RALYL: variants seen among roughly 807,000 people sequenced by gnomAD.
RALYL encodes RNA-binding Raly-like protein.
In RALYL, 29 loss-of-function variants were observed where a neutral mutation model predicts 35.1. That is an observed-to-expected ratio of 0.83 (90% confidence interval 0.61 to 1.13). RALYL has a LOEUF of 1.13. Among genes scored for constraint, RALYL ranks in the 50% most tolerant of loss-of-function variants. The pLI is 0.00. For synonymous variants in RALYL, 120 were observed against 127.6 expected (o/e 0.94, Z 0.40); for missense variants, 359 against 360.4 (o/e 1.00, Z 0.03).
intron 2 of RALYL, among the ~76,000 whole-genome samples, chr8:84,645,118 A>G (rs1454327271): frequency 6.6e-6 from 1 of 152,008 alleles, no homozygotes; most frequent in Non-Finnish European, 1.5e-5. Context: ...TTTTATTATT[A>G]TTATTAAATG....
chr8:84,318,542 TG>T (rs1586237773), intron 1 of RALYL, among the ~76,000 whole-genome samples: 1 of 152,226 alleles, frequency 6.6e-6, no homozygotes, highest in Non-Finnish European at 1.5e-5. Flanking sequence ...TATCGTGTGA[TG>T]TTTTTTGTAG....
intron 2 of RALYL, among the ~76,000 whole-genome samples, chr8:84,590,584 G>A (rs932119463): frequency 1.1e-4 from 16 of 152,178 alleles, no homozygotes; most frequent in Admixed American, 9.8e-4. Flanking sequence ...TCATGTGGAA[G>A]GAGGATTAGA....
intron 8 of RALYL, among the ~76,000 whole-genome samples, chr8:84,890,203 A>G (rs79879147): frequency 0.05 from 7,575 of 152,190 alleles, 612 homozygotes; most frequent in African/African-American, 0.17. Flanking sequence ...AAGATCCCCA[A>G]TGCTGAAAGG....
chr8:84,371,135 T>A (rs1295189865), intron 1 of RALYL, among the ~76,000 whole-genome samples: 1 of 151,952 alleles, frequency 6.6e-6, no homozygotes, highest in Non-Finnish European at 1.5e-5. Flanking sequence ...ACAACCCCTG[T>A]AGAAGCAGAT....
Position 84,841,213 on chromosome 8 carries a change from C to A in RALYL, c.366-8767C>A, listed in dbSNP as rs1440206832. On this transcript the variant is annotated intron_variant, in intron 4 of 8. Coordinates refer to ENST00000521268, the MANE Select transcript of RALYL (RefSeq NM_173848.7). ...TCAAGACCCATCAGTGTGCTGTATT[C>A]AGGAAACCCATCTCACATGCAGAGG... 6.6e-5 allele frequency among the ~76,000 whole-genome samples: 10 copies of A among 152,258 alleles called. No homozygotes were observed. The East Asian group carries it at 1.5e-3, about 23-fold the overall frequency.
chr8:84,355,444 T>C (rs1851645237), intron 1 of RALYL, among the ~76,000 whole-genome samples: 1 of 150,502 alleles, frequency 6.6e-6, no homozygotes, highest in Non-Finnish European at 1.5e-5. Context: ...AGTTTGTATG[T>C]AGTTTGTATG....
intron 2 of RALYL, among the ~76,000 whole-genome samples, chr8:84,531,397 T>C (rs1307974888): frequency 1.3e-5 from 2 of 152,106 alleles, no homozygotes; most frequent in Non-Finnish European, 2.9e-5. Flanking sequence ...CACTATCAGA[T>C]AGGAATATAG....
chr8:84,372,886 G>GATTTTTTT (rs1856056848), intron 1 of RALYL, among the ~76,000 whole-genome samples: 1 of 39,064 alleles, frequency 2.6e-5, no homozygotes, highest in African/African-American at 1.1e-4. Context: ...GCCAGCATCT[G>GATTTTTTT]TTTTTTTTTT....
At chr8:84,859,153 T>C (rs1322553316) in intron 5 of RALYL, among the ~76,000 whole-genome samples, 1 of 152,198 alleles carries the variant, frequency 6.6e-6, no homozygotes, top group African/African-American at 2.4e-5. Flanking sequence ...AAATACTCTC[T>C]ACAGGTTTCC....
At chr8:84,895,083 T>C (rs1388906981) in intron 8 of RALYL, among the ~76,000 whole-genome samples, 2 of 152,200 alleles carry the variant, frequency 1.3e-5, no homozygotes, top group Non-Finnish European at 2.9e-5. Context: ...AGTAGGCATT[T>C]TGTGCTACTC....
intron 2 of RALYL, among the ~76,000 whole-genome samples, chr8:84,583,492 CTTAAT>C (rs1392285584): frequency 1.3e-5 from 2 of 152,064 alleles, no homozygotes; most frequent in African/African-American, 2.4e-5. Flanking sequence ...ATACATTAAA[CTTAAT>C]TTAATAAATA....
At chr8:84,282,078 C>T (rs1328053063) in intron 1 of RALYL, among the ~76,000 whole-genome samples, 2 of 152,044 alleles carry the variant, frequency 1.3e-5, no homozygotes, top group Non-Finnish European at 2.9e-5. Context: ...CTTGCCCCTC[C>T]TCTGTATTTG....
At chr8:84,525,787 G>A (rs886810814) in intron 1 of RALYL, among the ~76,000 whole-genome samples, 2 of 151,736 alleles carry the variant, frequency 1.3e-5, no homozygotes, top group African/African-American at 2.4e-5. Context: ...AGATATTACA[G>A]TTTTTATCTT....
chr8:84,425,803 G>GTGTGTGTA lies in RALYL; in HGVS notation c.-23-103489_-23-103488insATGTGTGT, dbSNP rs1485741588. Among the ~76,000 whole-genome samples, 26 of 151,796 alleles carry GTGTGTGTA rather than the reference G, an allele frequency of 1.7e-4. 1 individual carries two copies. The highest frequency in any genetic ancestry group is 5.3e-4 in the African/African-American group (22 of 41,396). ...TTCTTCTGTGTGTGTGTGTGTGTGT[G>GTGTGTGTA]TGTGTGTGTGTGTGTGTGTGTAAGT... On this transcript the variant is annotated intron_variant, in intron 1 of 8. Transcript: ENST00000521268.
intron 1 of RALYL, among the ~76,000 whole-genome samples, chr8:84,455,277 A>G (rs1212790903): frequency 6.6e-6 from 1 of 151,986 alleles, no homozygotes; most frequent in Non-Finnish European, 1.5e-5. Flanking sequence ...AAGACTAGAT[A>G]AGGTATACCT....
At chr8:84,284,651 C>T (rs2132128063) in intron 1 of RALYL, among the ~76,000 whole-genome samples, 1 of 152,232 alleles carries the variant, frequency 6.6e-6, no homozygotes, top group South Asian at 2.1e-4. Context: ...GTGCTTTAAC[C>T]TTATCACAGT....
intron 2 of RALYL, among the ~76,000 whole-genome samples, chr8:84,590,835 G>C (rs1471037000): frequency 6.6e-6 from 1 of 152,038 alleles, no homozygotes; most frequent in Non-Finnish European, 1.5e-5. Context: ...CTTCTAAGCT[G>C]TCTCCTCTGA....
chr8:84,348,789 G>A (rs1200275938), intron 1 of RALYL, among the ~76,000 whole-genome samples: 2 of 136,934 alleles, frequency 1.5e-5, no homozygotes, highest in Non-Finnish European at 3.2e-5. Context: ...GGATTATGGT[G>A]TATGTATGTT....
intron 1 of RALYL, among the ~76,000 whole-genome samples, chr8:84,508,700 A>G (rs1184844370): frequency 2.6e-5 from 4 of 152,070 alleles, no homozygotes; most frequent in South Asian, 2.1e-4. Context: ...AGCGTTTATG[A>G]TTGGGTTTTA....
Sources: allele counts gnomAD v4.1 joint callset (sites outside exome capture counted in the v4.1 genomes callset), GRCh38; gene constraint gnomAD v4.1.1; transcripts MANE v1.5; gene names NCBI Gene and HGNC (gene_info 2026-07-23, HGNC 2026-07-21).